The following SWAP70 variants were observed in gnomAD, a reference collection of about 807,000 sequenced individuals.
The protein encoded by SWAP70 is switching B cell complex subunit SWAP70, also known as switch-associated protein 70.
A neutral mutation model predicts 80.2 loss-of-function variants in SWAP70; 34 were observed. That is an observed-to-expected ratio of 0.42 (90% CI 0.32 to 0.56). The LOEUF is 0.56. Among genes scored for constraint, SWAP70 ranks in the 20% least tolerant of loss-of-function variants. The pLI, the probability that SWAP70 is intolerant of heterozygous loss-of-function variation, is 0.09. For synonymous variants in SWAP70, 239 were observed against 238.5 expected (o/e 1.00, Z -0.02); for missense variants, 578 against 690.7 (o/e 0.84, Z 1.83).
At position 9,749,092 on chromosome 11, in the gene SWAP70, T is replaced by TA; in HGVS notation, c.1565dup (p.Lys523GlufsTer7). 6.2e-7 allele frequency: 1 copy of TA among 1,611,314 alleles called. No individual in the cohort carries two copies. Among genetic ancestry groups the TA allele is most frequent in the Non-Finnish European group, 8.5e-7 (1 of 1,178,596 alleles). On this transcript the variant is annotated frameshift_variant, in exon 11 of 12. Transcript: ENST00000318950. LOFTEE classifies it high-confidence loss of function. Reference sequence around the variant, plus strand: ...AAAATCCACTTTTGTTTCAGGAAGTTAAAAAGAAGCTGGAGATGGCAACTA... The same window carrying TA: ...AAAATCCACTTTTGTTTCAGGAAGTTAAAAAAGAAGCTGGAGATGGCAACTA...
In SWAP70 at chr11:9,694,292, A is replaced by G. The variant is rs747427889; in HGVS notation, c.240+6A>G. The G allele has an allele frequency of 6.2e-7, 1 of 1,608,206 alleles. No individual in the cohort carries two copies. Among genetic ancestry groups the G allele is most frequent in the Non-Finnish European group, 8.5e-7 (1 of 1,177,584 alleles). ...ACAGGTTCATTTTGGAAAAGGTATG[A>G]TTCTAACCTTTTTTTGGGTGTAGCA... On this transcript the variant is annotated splice_donor_region_variant and intron_variant, in intron 2 of 11. Transcript: ENST00000318950.
intron 2 of SWAP70, among the ~76,000 whole-genome samples, chr11:9,703,945 C>T (rs1362533578): frequency 1.3e-5 from 2 of 152,118 alleles, no homozygotes; most frequent in African/African-American, 2.4e-5. Context: ...GAAGAGCCTA[C>T]CATTTTACTT....
At chr11:9,739,986 C>T (rs930160563) in intron 8 of SWAP70, among the ~76,000 whole-genome samples, 195 bp from the exon 9 acceptor site, 1 of 152,138 alleles carries the variant, frequency 6.6e-6, no homozygotes, top group Admixed American at 6.5e-5. Flanking sequence ...ATTTGCTCTT[C>T]CCAGACTCTT....
intron 4 of SWAP70, among the ~76,000 whole-genome samples, chr11:9,726,296 G>GA (rs1407818003): frequency 6.6e-6 from 1 of 152,082 alleles, no homozygotes; most frequent in East Asian, 1.9e-4. Context: ...TTTTTTTGGT[G>GA]ATTCTTTGAA....
At chr11:9,742,246 G>A in intron 9 of SWAP70, among the ~76,000 whole-genome samples, 1 of 152,032 alleles carries the variant, frequency 6.6e-6, no homozygotes, top group East Asian at 1.9e-4. Flanking sequence ...TTCTTAATGT[G>A]CAAAGGGCAT....
intron 7 of SWAP70, among the ~76,000 whole-genome samples, chr11:9,734,613 G>GA (rs1208723041): frequency 6.6e-6 from 1 of 151,926 alleles, no homozygotes; most frequent in African/African-American, 2.4e-5. Context: ...GGCATTCTTA[G>GA]AAAAAAACAG....
At chr11:9,688,874 T>C (rs1480423158) in intron 1 of SWAP70, among the ~76,000 whole-genome samples, 3 of 152,052 alleles carry the variant, frequency 2.0e-5, no homozygotes, top group African/African-American at 7.2e-5. Flanking sequence ...GGACTTAGAG[T>C]AGACAATGCT....
chr11:9,698,760 G>A (rs553258824), intron 2 of SWAP70, among the ~76,000 whole-genome samples: 5 of 152,074 alleles, frequency 3.3e-5, no homozygotes, highest in South Asian at 2.1e-4. Flanking sequence ...TACCCTGATC[G>A]TGCTTTTTTC....
chr11:9,695,723 A>G (rs757773032), intron 2 of SWAP70, among the ~76,000 whole-genome samples: 9 of 152,038 alleles, frequency 5.9e-5, no homozygotes, highest in Non-Finnish European at 1.3e-4. Flanking sequence ...CGTGCTGCAC[A>G]GGTATCCGTT....
At chr11:9,669,894 G>C (rs1386525833) in intron 1 of SWAP70, among the ~76,000 whole-genome samples, 3 of 152,134 alleles carry the variant, frequency 2.0e-5, no homozygotes, top group Non-Finnish European at 4.4e-5. Flanking sequence ...TTGGGAGGCT[G>C]AAGTGAGTGG....
intron 2 of SWAP70, among the ~76,000 whole-genome samples, chr11:9,712,241 C>G (rs1851007796): frequency 6.6e-6 from 1 of 152,128 alleles, no homozygotes; most frequent in Non-Finnish European, 1.5e-5. Flanking sequence ...TTTGTACTGT[C>G]TTTGGCAAAT....
At position 9,704,771 on chromosome 11, in the gene SWAP70, T is replaced by G. The variant is rs568481196; in HGVS notation, c.241-8695T>G. 2.0e-5 allele frequency among the ~76,000 whole-genome samples: 3 copies of G among 152,304 alleles called. No individual in the cohort carries two copies. The South Asian group carries it at 6.2e-4, about 32-fold the overall frequency. ...TCTTCCTCCTCGCACTAGAAGCTCCTTAGAGACTACGTATGTCTTATTTTA... is the reference window on the plus strand; with the variant it reads ...TCTTCCTCCTCGCACTAGAAGCTCCGTAGAGACTACGTATGTCTTATTTTA... On this transcript the variant is annotated intron_variant, in intron 2 of 11. Coordinates refer to ENST00000318950, the MANE Select transcript of SWAP70 (RefSeq NM_015055.4).
Position 9,694,224 on chromosome 11 carries a change from G to T in SWAP70, c.178G>T (p.Asp60Tyr). The change falls in exon 2 of 12, where the codon GAT becomes TAT. Residue 60 changes from aspartate (D) to tyrosine (Y), a missense_variant. Physicochemically the swap from Asp to Tyr is radical, Grantham distance 160 (BLOSUM62 -3). Transcript: ENST00000318950. ...VALEEHFRDD[D>Y]EGPVSNQGYM... Reference sequence around the variant, plus strand: ...CCTTGAAGAGCACTTCAGGGATGATGATGAGGGTCCAGTGTCCAACCAGGG... The same window carrying T: ...CCTTGAAGAGCACTTCAGGGATGATTATGAGGGTCCAGTGTCCAACCAGGG... The T allele has an allele frequency of 6.2e-7, 1 of 1,613,322 alleles. No homozygotes were observed. The highest frequency in any genetic ancestry group is 8.5e-7 in the Non-Finnish European group (1 of 1,179,658).
chr11:9,665,900 G>C (rs1259407680), intron 1 of SWAP70, among the ~76,000 whole-genome samples: 1 of 151,444 alleles, frequency 6.6e-6, no homozygotes, highest in African/African-American at 2.4e-5. Context: ...GATGTAGCTG[G>C]GTCTTTTTTT....
chr11:9,708,191 A>G (rs1248612974), intron 2 of SWAP70, among the ~76,000 whole-genome samples: 3 of 152,122 alleles, frequency 2.0e-5, no homozygotes, highest in African/African-American at 7.2e-5. Flanking sequence ...TGGTAGTTCT[A>G]TTTTTAACTT....
intron 2 of SWAP70, among the ~76,000 whole-genome samples, chr11:9,707,156 A>T (rs1437077880): frequency 6.6e-6 from 1 of 152,202 alleles, no homozygotes; most frequent in African/African-American, 2.4e-5. Flanking sequence ...TTTTATACTT[A>T]AAAAAACTGG....
chr11:9,679,820 C>T (rs557982491), intron 1 of SWAP70, among the ~76,000 whole-genome samples: 1 of 152,066 alleles, frequency 6.6e-6, no homozygotes, highest in South Asian at 2.1e-4. Context: ...AGGTGCCCGC[C>T]ACCACGCCTG....
intron 3 of SWAP70, among the ~76,000 whole-genome samples, chr11:9,720,856 C>T (rs775008742): frequency 1.3e-5 from 2 of 152,186 alleles, no homozygotes; most frequent in Admixed American, 6.5e-5. Flanking sequence ...AGCTCTGTCT[C>T]CCAGGCTGGA....
intron 1 of SWAP70, among the ~76,000 whole-genome samples, chr11:9,674,607 T>G (rs1850463298): frequency 6.6e-6 from 1 of 151,972 alleles, no homozygotes. Context: ...GGAGGAGGTT[T>G]CAGTGAGCTG....
Sources: allele counts gnomAD v4.1 joint callset (sites outside exome capture counted in the v4.1 genomes callset), GRCh38; gene constraint gnomAD v4.1.1; transcripts MANE v1.5; gene names NCBI Gene and HGNC (gene_info 2026-07-23, HGNC 2026-07-21).